The following MAGI2 variants were observed in gnomAD, a reference collection of about 807,000 sequenced individuals.
MAGI2 encodes membrane associated guanylate kinase, WW and PDZ domain containing 2.
MAGI2 carries 35 observed loss-of-function variants against 133.3 expected under a neutral mutation model. The observed-to-expected ratio is 0.26, with a 90% CI of 0.20 to 0.35. The LOEUF (loss-of-function observed/expected upper bound fraction) is 0.35. MAGI2 is among the 10% of genes least tolerant of loss of function. MAGI2 has a pLI of 1.00. For missense variants in MAGI2, 1,636 were observed against 1,863.4 expected, an observed-to-expected ratio of 0.88 and a Z score of 2.25; for synonymous variants, 729 against 710.6, an observed-to-expected ratio of 1.03 and a Z score of -0.41.
intron 2 of MAGI2, among the ~76,000 whole-genome samples, chr7:78,925,169 A>C (rs534737524): frequency 6.6e-6 from 1 of 152,130 alleles, no homozygotes; most frequent in South Asian, 2.1e-4. Context: ...CCAGAACTCC[A>C]GTGGGAAAGC....
intron 3 of MAGI2, among the ~76,000 whole-genome samples, chr7:78,553,336 C>G (rs919901042): frequency 1.3e-5 from 2 of 152,130 alleles, no homozygotes; most frequent in African/African-American, 4.8e-5. Flanking sequence ...AAATTTTTCT[C>G]ATCAATGAAA....
chr7:79,249,403 A>G (rs181765771), intron 1 of MAGI2, among the ~76,000 whole-genome samples: 1 of 148,962 alleles, frequency 6.7e-6, no homozygotes, highest in Non-Finnish European at 1.5e-5. Context: ...ACTAGCTAAG[A>G]AAAAAAAAGA....
At chr7:78,717,465 T>C (rs1338354058) in intron 2 of MAGI2, among the ~76,000 whole-genome samples, 5 of 152,146 alleles carry the variant, frequency 3.3e-5, no homozygotes, top group Non-Finnish European at 5.9e-5. Context: ...GAAAATCTGC[T>C]ACAAATTTCC....
chr7:78,157,889 G>A lies in MAGI2; in HGVS notation c.2845+2136C>T, dbSNP rs143903131. 1.6e-4 allele frequency among the ~76,000 whole-genome samples: 25 copies of A among 152,304 alleles called. No individual in the cohort carries two copies. In the East Asian group the frequency reaches 3.7e-3, roughly 22 times the overall value. The stretch of plus-strand genomic sequence containing the variant: ...GCTTTTCATGAAGAAAAAGGGAAAT[G>A]AAATTGTACTTTCAGATGTATGTAA... On this transcript the variant is annotated intron_variant, in intron 16 of 21. Coordinates refer to ENST00000354212, the MANE Select transcript of MAGI2 (RefSeq NM_012301.4).
At chr7:79,062,232 A>G (rs993880674) in intron 1 of MAGI2, among the ~76,000 whole-genome samples, 2 of 152,102 alleles carry the variant, frequency 1.3e-5, no homozygotes, top group African/African-American at 2.4e-5. Flanking sequence ...CCAATGCCAC[A>G]GCTCATACCC....
At chr7:78,355,279 G>T (rs547233597) in intron 7 of MAGI2, among the ~76,000 whole-genome samples, 1 of 152,276 alleles carries the variant, frequency 6.6e-6, no homozygotes, top group East Asian at 1.9e-4. Context: ...GGAAAGGTGT[G>T]ATGTTGGATA....
At chr7:78,746,899 T>A (rs1822976919) in intron 2 of MAGI2, among the ~76,000 whole-genome samples, 1 of 152,178 alleles carries the variant, frequency 6.6e-6, no homozygotes, top group Non-Finnish European at 1.5e-5. Flanking sequence ...AATATCTAAT[T>A]TTTCCTGATT....
chr7:78,713,931 C>T (rs1819455132), intron 2 of MAGI2, among the ~76,000 whole-genome samples: 2 of 152,040 alleles, frequency 1.3e-5, no homozygotes, highest in South Asian at 2.1e-4. Context: ...TTTGTACTCT[C>T]CTTGTGCTTC....
At chr7:78,693,164 CAA>C (rs922726848) in intron 2 of MAGI2, among the ~76,000 whole-genome samples, 1 of 152,102 alleles carries the variant, frequency 6.6e-6, no homozygotes, top group African/African-American at 2.4e-5. Flanking sequence ...GAAAGTTAGG[CAA>C]AGTCTTTAAT....
At chr7:78,593,478 A>C (rs142274249) in intron 3 of MAGI2, among the ~76,000 whole-genome samples, 161 of 152,320 alleles carry the variant, frequency 1.1e-3, no homozygotes, top group African/African-American at 2.6e-3. Flanking sequence ...GTCTGGTGGC[A>C]GTAGTGGACC....
chr7:79,017,234 T>A (rs1206933031), intron 1 of MAGI2, among the ~76,000 whole-genome samples: 2 of 152,140 alleles, frequency 1.3e-5, no homozygotes, highest in Non-Finnish European at 2.9e-5. Context: ...CTCCAGTGAG[T>A]TAGGTTCCTA....
chr7:78,262,112 G>T (rs1273607191), intron 9 of MAGI2, among the ~76,000 whole-genome samples: 1 of 152,106 alleles, frequency 6.6e-6, no homozygotes, highest in Non-Finnish European at 1.5e-5. Context: ...AATTGGAGAA[G>T]AATTCAATTT....
Position 78,655,842 on chromosome 7 carries a change from G to A in MAGI2, c.419-28603C>T, listed in dbSNP as rs185045243. Among the ~76,000 whole-genome samples, 712 of 151,762 alleles carry A rather than the reference G, an allele frequency of 4.7e-3. 8 individuals carry two copies. The highest frequency in any genetic ancestry group is 0.016 in the African/African-American group (675 of 41,452). On this transcript the variant is annotated intron_variant, in intron 2 of 21. Coordinates refer to ENST00000354212, the MANE Select transcript of MAGI2 (RefSeq NM_012301.4). ...TAAAAATATAAAAAATTAGCCAGGC[G>A]CGGTGGCGGGCGCCTGTAGTCCCAG...
chr7:79,332,573 A>T (rs1688339173), intron 1 of MAGI2, among the ~76,000 whole-genome samples: 1 of 152,168 alleles, frequency 6.6e-6, no homozygotes, highest in Admixed American at 6.5e-5. Context: ...CCTGGGTAGG[A>T]TTTAATAGGT....
chr7:79,005,406 A>G lies in MAGI2; in HGVS notation c.418+1684T>C, dbSNP rs143211638. Among the ~76,000 whole-genome samples, 515 of 152,256 alleles carry G rather than the reference A, an allele frequency of 3.4e-3. 3 individuals carry two copies. The highest frequency in any genetic ancestry group is 0.012 in the African/African-American group (484 of 41,560). On this transcript the variant is annotated intron_variant, in intron 2 of 21. Coordinates refer to ENST00000354212, the MANE Select transcript of MAGI2 (RefSeq NM_012301.4). Reference sequence around the variant, plus strand: ...ATCTTGAAGCTCTTTATGTTTACTCATATAAGTCTAGCTGTTTTACCCTTA... The same window carrying G: ...ATCTTGAAGCTCTTTATGTTTACTCGTATAAGTCTAGCTGTTTTACCCTTA...
chr7:78,183,694 CA>C (rs1406932154), intron 13 of MAGI2, among the ~76,000 whole-genome samples: 2 of 152,302 alleles, frequency 1.3e-5, no homozygotes, highest in African/African-American at 4.8e-5. Context: ...CTCGGTCTCC[CA>C]AGTAGCTGGG....
intron 6 of MAGI2, among the ~76,000 whole-genome samples, chr7:78,469,635 A>C (rs1033964358): frequency 2.0e-5 from 3 of 152,268 alleles, no homozygotes; most frequent in Non-Finnish European, 4.4e-5. Flanking sequence ...TCTCCCAATT[A>C]TCTTTTTAGA....
Position 78,384,974 on chromosome 7 carries a change from C to A in MAGI2, c.1046-15761G>T, listed in dbSNP as rs1052347510. Reference sequence around the variant, plus strand: ...ATAACACTGGGTGTAAGCAGCATCACGACAATTTTACATGCTGCTAAATGG... The same window carrying A: ...ATAACACTGGGTGTAAGCAGCATCAAGACAATTTTACATGCTGCTAAATGG... On this transcript the variant is annotated intron_variant, in intron 6 of 21. Coordinates refer to ENST00000354212, the MANE Select transcript of MAGI2 (RefSeq NM_012301.4). Among the ~76,000 whole-genome samples, 4 of 152,268 alleles carry A rather than the reference C, an allele frequency of 2.6e-5. No homozygotes were observed. In the East Asian group the frequency reaches 7.7e-4, roughly 29 times the overall value.
chr7:78,383,199 T>A (rs1213884691), intron 6 of MAGI2, among the ~76,000 whole-genome samples: 1 of 152,104 alleles, frequency 6.6e-6, no homozygotes, highest in African/African-American at 2.4e-5. Flanking sequence ...CTGTTTTTCA[T>A]AGTGGCTGTA....
Sources: gnomAD v4.1 joint callset for allele counts (sites outside exome capture counted in the v4.1 genomes callset) on GRCh38, gnomAD v4.1.1 for gene constraint, MANE v1.5 for transcripts, NCBI Gene and HGNC (gene_info 2026-07-23, HGNC 2026-07-21) for gene names.